The following MTBP variants were observed in gnomAD, a reference collection of about 807,000 sequenced individuals.
The protein encoded by MTBP is mdm2-binding protein.
MTBP carries 101 observed loss-of-function variants against 117.0 expected under a neutral mutation model. The observed-to-expected ratio is 0.86, with a 90% confidence interval of 0.73 to 1.02. The LOEUF is 1.02. MTBP is among the 50% of genes least tolerant of loss of function. MTBP has a pLI of 0.00. For missense variants in MTBP, 970 were observed against 1,030.9 expected (o/e 0.94, Z 0.81); for synonymous variants, 350 against 351.5 (o/e 1.00, Z 0.05).
chr8:120,465,660 T>TTC (rs1422784477), intron 10 of MTBP, among the ~76,000 whole-genome samples: 4 of 142,324 alleles, frequency 2.8e-5, no homozygotes, highest in Non-Finnish European at 4.6e-5. Flanking sequence ...AGAGACTTTT[T>TTC]TTTTTTTTTT....
intron 13 of MTBP, among the ~76,000 whole-genome samples, chr8:120,491,102 T>C (rs1049759601): frequency 3.3e-5 from 5 of 152,122 alleles, no homozygotes; most frequent in Non-Finnish European, 5.9e-5. Context: ...TTTTTCTCTT[T>C]TACAGTTAAT....
intron 14 of MTBP, among the ~76,000 whole-genome samples, chr8:120,501,223 G>A (rs1320586901): frequency 3.4e-5 from 5 of 145,912 alleles, no homozygotes; most frequent in Non-Finnish European, 6.0e-5. Context: ...TTAGCCGGGC[G>A]TGGTGGCGGG....
chr8:120,497,427 T>C lies in MTBP; in HGVS notation c.1482T>C (p.Val494=). The change falls in exon 14 of 22, where the codon GTT becomes GTC. Residue 494 remains valine, a synonymous_variant. Transcript: ENST00000305949. ...AGTTGGCAAAGCAGCCTGAAACAGTTTCTGTTGCTGAACTCAAAAGTCTGT... is the reference window on the plus strand; with the variant it reads ...AGTTGGCAAAGCAGCCTGAAACAGTCTCTGTTGCTGAACTCAAAAGTCTGT... ...RRKLAKQPET[V]SVAELKSLLV... is the part of the protein sequence containing the mutation. 1 of 1,606,426 alleles carries C rather than the reference T, an allele frequency of 6.2e-7. No homozygotes were observed. The highest frequency in any genetic ancestry group is 1.1e-5 in the South Asian group (1 of 88,292).
chr8:120,487,011 A>C (rs1253860869), intron 11 of MTBP, among the ~76,000 whole-genome samples: 1 of 152,194 alleles, frequency 6.6e-6, no homozygotes, highest in East Asian at 1.9e-4. Context: ...AATAAACTTA[A>C]GGGAAATAGA....
intron 13 of MTBP, among the ~76,000 whole-genome samples, chr8:120,496,165 T>A (rs1174026883): frequency 6.6e-6 from 1 of 152,102 alleles, no homozygotes. Context: ...GCAGCAGAAG[T>A]CTGCAGAGAA....
At position 120,445,500 on chromosome 8, in the gene MTBP, G is replaced by T. The variant is rs549063225; in HGVS notation, c.30G>T (p.Trp10Cys). The T allele has an allele frequency of 6.2e-7, 1 of 1,613,558 alleles. No homozygotes were observed. The highest frequency in any genetic ancestry group is 1.7e-5 in the Admixed American group (1 of 59,984). The change falls in exon 1 of 22, where the codon TGG (tryptophan) becomes TGT (cysteine). Residue 10 changes from tryptophan to cysteine, a missense_variant. Coordinates refer to ENST00000305949, the MANE Select transcript of MTBP (RefSeq NM_022045.5). Reference protein sequence around the residue: MDRYLLLVIWGEGKFPSAAS... With the variant: MDRYLLLVICGEGKFPSAAS... The stretch of plus-strand genomic sequence containing the variant: ...ATCGGTACCTGCTGCTGGTGATCTG[G>T]GGGGAAGGAAAATTCCCGTCGGCGG...
intron 2 of MTBP, 38 bp from the exon 3 acceptor site, chr8:120,450,965 G>A (rs758489638): frequency 4.8e-6 from 7 of 1,451,618 alleles, no homozygotes; most frequent in South Asian, 2.4e-5. Context: ...CTTATTTATG[G>A]TATGCCTTTT....
chr8:120,502,397 A>T, intron 14 of MTBP, 95 bp from the exon 15 acceptor site: 1 of 759,438 alleles, frequency 1.3e-6, no homozygotes, highest in Non-Finnish European at 2.1e-6. Context: ...ACACATACAC[A>T]CACACGTATG....
chr8:120,464,303 A>G (rs572637862), intron 10 of MTBP, among the ~76,000 whole-genome samples: 5 of 152,050 alleles, frequency 3.3e-5, no homozygotes, highest in Non-Finnish European at 5.9e-5. Context: ...TAAAAAAATT[A>G]CAATATAAAG....
At chr8:120,520,634 G>A (rs2130624815) in intron 20 of MTBP, among the ~76,000 whole-genome samples, 1 of 152,180 alleles carries the variant, frequency 6.6e-6, no homozygotes, top group South Asian at 2.1e-4. Flanking sequence ...AGCATGGAGA[G>A]AACATTTTCT....
At chr8:120,492,695 G>A (rs1469882736) in intron 13 of MTBP, among the ~76,000 whole-genome samples, 2 of 152,160 alleles carry the variant, frequency 1.3e-5, no homozygotes, top group East Asian at 3.9e-4. Flanking sequence ...ACTCAAAAAT[G>A]TACTCACTAA....
Position 120,459,231 on chromosome 8 carries a change from G to A in MTBP, c.764G>A (p.Ser255Asn), listed in dbSNP as rs771589634. Residue 255 changes from serine to asparagine, a missense_variant, in exon 8 of 22, where the codon AGT (serine) becomes AAT (asparagine). Physicochemically the swap from Ser to Asn is conservative, Grantham distance 46 (BLOSUM62 1). Transcript: ENST00000305949. The stretch of plus-strand genomic sequence containing the variant: ...TCTTTTCAGTTTGGATTTGAAATTA[G>A]TTTTCCTGAATTTTGTTTAAAGGGA... The part of the protein sequence containing the change: ...IWERKFGFEI[S>N]FPEFCLKGVT... The A allele has an allele frequency of 1.9e-6, 3 of 1,608,850 alleles. No individual in the cohort carries two copies. Among genetic ancestry groups the A allele is most frequent in the East Asian group, 2.2e-5 (1 of 44,608 alleles).
chr8:120,503,678 T>TA (rs887477952), intron 15 of MTBP, among the ~76,000 whole-genome samples: 14 of 152,284 alleles, frequency 9.2e-5, no homozygotes, highest in African/African-American at 3.4e-4. Context: ...TTTGCTTTCT[T>TA]ACGGCAAATA....
At chr8:120,472,417 C>T (rs1414965342) in intron 11 of MTBP, 2 of 151,640 alleles carry the variant, frequency 1.3e-5, no homozygotes, top group African/African-American at 2.4e-5. Flanking sequence ...TAAGCCACCC[C>T]GAAACTTAGT....
intron 10 of MTBP, among the ~76,000 whole-genome samples, chr8:120,466,823 A>G (rs1305539081): frequency 6.6e-6 from 1 of 152,112 alleles, no homozygotes; most frequent in Non-Finnish European, 1.5e-5. Flanking sequence ...GCAATGAGCC[A>G]AGATCACGCC....
At chr8:120,452,611 A>G (rs1813379420) in intron 4 of MTBP, 1 of 152,208 alleles carries the variant, frequency 6.6e-6, no homozygotes, top group African/African-American at 2.4e-5. Context: ...CGGGTGGGTC[A>G]CAAGGTCAGG....
At position 120,467,980 on chromosome 8, in the gene MTBP, C is replaced by T. The variant is rs553843183; in HGVS notation, c.1048-2840C>T. On this transcript the variant is annotated intron_variant, in intron 10 of 21. Transcript: ENST00000305949. Reference sequence around the variant, plus strand: ...CCCTAAAATGTTGAGAAAGCTATAACTGGGACTCAGTCTGGCATACTCACA... The same window carrying T: ...CCCTAAAATGTTGAGAAAGCTATAATTGGGACTCAGTCTGGCATACTCACA... Among the ~76,000 whole-genome samples the T allele has an allele frequency of 5.9e-5, 9 of 152,286 alleles. No homozygotes were observed. In the Middle Eastern group the frequency reaches 0.01, roughly 173 times the overall value.
In MTBP at chr8:120,459,301, C is replaced by G; in HGVS notation, c.834C>G (p.Phe278Leu). ...NFSTSNLNTD[F>L]LAKKIIPSKD... ...GTACTTCTAATTTAAATACTGACTT[C>G]CTTGCCAAAAAGATCATACCATCAA... Residue 278 changes from phenylalanine to leucine, a missense_variant, in exon 8 of 22, where the codon TTC (phenylalanine) becomes TTG (leucine). Coordinates refer to ENST00000305949, the MANE Select transcript of MTBP (RefSeq NM_022045.5). The G allele has an allele frequency of 6.2e-7, 1 of 1,611,794 alleles. No individual in the cohort carries two copies. Among genetic ancestry groups the G allele is most frequent in the Non-Finnish European group, 8.5e-7 (1 of 1,179,052 alleles).
rs750748917 is a variant in MTBP, at chr8:120,461,196, G to T, written c.918G>T (p.Val306=). The change falls in exon 9 of 22, where the codon GTG becomes GTT. Residue 306 remains valine, a synonymous_variant. Transcript: ENST00000305949. The part of the protein sequence containing the change: ...FHYYGPALEF[V]QMIKLSDLPS... The stretch of plus-strand genomic sequence containing the variant: ...ATTATGGCCCTGCTTTAGAATTTGT[G>T]CAGATGATAAAATTATCAGATCTAC... 9 of 1,604,600 alleles carry T rather than the reference G, an allele frequency of 5.6e-6. No homozygotes were observed. Among genetic ancestry groups the T allele is most frequent in the Non-Finnish European group, 7.7e-6 (9 of 1,172,646 alleles).
Sources: allele counts gnomAD v4.1 joint callset (sites outside exome capture counted in the v4.1 genomes callset), GRCh38; gene constraint gnomAD v4.1.1; transcripts MANE v1.5; gene names NCBI Gene and HGNC (gene_info 2026-07-23, HGNC 2026-07-21).